The following PRDM5 variants were observed in gnomAD, a reference collection of about 807,000 sequenced individuals.
The protein encoded by PRDM5 is PR domain zinc finger protein 5.
A neutral mutation model predicts 81.2 loss-of-function variants in PRDM5; 56 were observed. That is an observed-to-expected ratio of 0.69 (90% CI 0.56 to 0.86). The LOEUF is 0.86. PRDM5 is among the 40% of genes least tolerant of loss of function. PRDM5 has a pLI of 0.00. For missense variants in PRDM5, 697 were observed against 770.1 expected (o/e 0.91, Z 1.12); for synonymous variants, 267 against 256.4 (o/e 1.04, Z -0.39).
chr4:120,764,258 C>T (rs1007502989), intron 13 of PRDM5, among the ~76,000 whole-genome samples: 4 of 152,028 alleles, frequency 2.6e-5, no homozygotes, highest in South Asian at 2.1e-4. Context: ...ATATGAACTA[C>T]GTAAATGACA....
intron 1 of PRDM5, among the ~76,000 whole-genome samples, chr4:120,920,308 T>C (rs1724730704): frequency 6.6e-6 from 1 of 152,240 alleles, no homozygotes; most frequent in Non-Finnish European, 1.5e-5. Flanking sequence ...AAAACATCTG[T>C]AATTTCCAAC....
At chr4:120,799,475 C>T (rs1358803906) in intron 9 of PRDM5, among the ~76,000 whole-genome samples, 186 bp downstream of exon 9, 1 of 152,080 alleles carries the variant, frequency 6.6e-6, no homozygotes, top group East Asian at 1.9e-4. Flanking sequence ...CTCTAAGCAC[C>T]TTTGCTCTGT....
intron 14 of PRDM5, among the ~76,000 whole-genome samples, chr4:120,716,700 T>A (rs114365153): frequency 0.031 from 4,758 of 152,242 alleles, 92 homozygotes; most frequent in African/African-American, 0.044. Context: ...TTCTAATGCC[T>A]ACCATGGAAA....
At chr4:120,905,466 A>T (rs1313087550) in intron 2 of PRDM5, among the ~76,000 whole-genome samples, 1 of 152,212 alleles carries the variant, frequency 6.6e-6, no homozygotes, top group Non-Finnish European at 1.5e-5. Context: ...TGCGGTTAAC[A>T]TCTACAATCA....
rs186417622 is a variant in PRDM5 at position 120,849,594 on chromosome 4, G to T, written c.300+3824C>A. Among the ~76,000 whole-genome samples, 598 of 152,196 alleles carry T rather than the reference G, an allele frequency of 3.9e-3. 4 individuals are homozygous for T. Among genetic ancestry groups the T allele is most frequent in the Admixed American group, 9.2e-3 (141 of 15,264 alleles). On this transcript the variant is annotated intron_variant, in intron 3 of 15. Coordinates refer to ENST00000264808, the MANE Select transcript of PRDM5 (RefSeq NM_018699.4). Reference sequence around the variant, plus strand: ...AAGTATGGCAACTAGTCACAGAAAAGACATGCCTGAAAATATGGGCTTAAG... The same window carrying T: ...AAGTATGGCAACTAGTCACAGAAAATACATGCCTGAAAATATGGGCTTAAG...
In PRDM5 at chr4:120,919,361, A is replaced by C. The variant is rs375683422; in HGVS notation, c.93+3155T>G. Reference sequence around the variant, plus strand: ...CCCAGGGCCTAGTACAGTACCTGCCACATATGAATGATTAAATGACTGAAA... The same window carrying C: ...CCCAGGGCCTAGTACAGTACCTGCCCCATATGAATGATTAAATGACTGAAA... On this transcript the variant is annotated intron_variant, in intron 1 of 15. Transcript: ENST00000264808. Among the ~76,000 whole-genome samples the C allele has an allele frequency of 7.2e-5, 11 of 152,364 alleles. No individual in the cohort carries two copies. In the East Asian group the frequency reaches 1.2e-3, roughly 16 times the overall value.
intron 1 of PRDM5, among the ~76,000 whole-genome samples, chr4:120,919,080 C>T (rs146781217): frequency 1.1e-3 from 167 of 152,286 alleles, no homozygotes; most frequent in Middle Eastern, 3.4e-3. Context: ...AATCTCCTGG[C>T]TGGCTCAGCG....
intron 14 of PRDM5, chr4:120,731,876 A>T (rs1338198418): frequency 6.6e-6 from 1 of 152,180 alleles, no homozygotes; most frequent in African/African-American, 2.4e-5. Flanking sequence ...ACTTATAAAT[A>T]AACCCCTTCA....
chr4:120,685,913 A>G (rs79259407), intron 1 of PRDM5, among the ~76,000 whole-genome samples: 14,149 of 151,934 alleles, frequency 0.093, 757 homozygotes, highest in Admixed American at 0.13. Context: ...TTGGAGGTGG[A>G]GTCCTGTGGG....
intron 2 of PRDM5, among the ~76,000 whole-genome samples, chr4:120,878,132 T>C (rs1762499694): frequency 6.6e-6 from 1 of 152,210 alleles, no homozygotes; most frequent in African/African-American, 2.4e-5. Context: ...ACAGAAGGAC[T>C]ACAGAAGATC....
At chr4:120,759,283 T>A (rs769235521) in intron 13 of PRDM5, among the ~76,000 whole-genome samples, 2 of 152,242 alleles carry the variant, frequency 1.3e-5, no homozygotes, top group African/African-American at 2.4e-5. Context: ...TGCATCACCA[T>A]GTAAATGGCT....
intron 2 of PRDM5, among the ~76,000 whole-genome samples, chr4:120,864,529 T>C (rs1265351894): frequency 6.6e-6 from 1 of 152,178 alleles, no homozygotes; most frequent in Admixed American, 6.5e-5. Context: ...TTCTAAATCC[T>C]CTTCCCACAC....
Position 120,781,323 on chromosome 4 carries a change from A to G in PRDM5, c.1283-20T>C, listed in dbSNP as rs999573484. 6.2e-7 allele frequency: 1 copy of G among 1,608,822 alleles called. No homozygotes were observed. Among genetic ancestry groups the G allele is most frequent in the African/African-American group, 1.3e-5 (1 of 74,760 alleles). ...TCTCACCTTAGAAACAAAGAGAAAC[A>G]TTTAAGAAGCAATAGCAGGGTCCTA... On this transcript the variant is annotated intron_variant, in intron 11 of 15. Transcript: ENST00000264808.
intron 14 of PRDM5, among the ~76,000 whole-genome samples, chr4:120,722,909 TG>T (rs1254725003): frequency 6.6e-6 from 1 of 152,178 alleles, no homozygotes; most frequent in Non-Finnish European, 1.5e-5. Flanking sequence ...TGAGAAAAGC[TG>T]GGGCCACTAA....
intron 15 of PRDM5, among the ~76,000 whole-genome samples, chr4:120,706,418 T>C (rs1281944279): frequency 6.6e-6 from 1 of 151,974 alleles, no homozygotes; most frequent in Non-Finnish European, 1.5e-5. Flanking sequence ...AGATATGTGA[T>C]TTGGGTTATT....
Position 120,812,292 on chromosome 4 carries a change from G to A in PRDM5, c.866-843C>T, listed in dbSNP as rs143345537. 2.0e-5 allele frequency among the ~76,000 whole-genome samples: 3 copies of A among 152,050 alleles called. No individual in the cohort carries two copies. In the East Asian group the frequency reaches 5.8e-4, roughly 29 times the overall value. On this transcript the variant is annotated intron_variant, in intron 7 of 15. Transcript: ENST00000264808. Reference sequence around the variant, plus strand: ...CAATATACTGATTTCCTTTCACTGGGGTATATATCTACAGTGGAATTGCTA... The same window carrying A: ...CAATATACTGATTTCCTTTCACTGGAGTATATATCTACAGTGGAATTGCTA...
chr4:120,704,385 C>T (rs1408644227), intron 15 of PRDM5, among the ~76,000 whole-genome samples: 5 of 152,296 alleles, frequency 3.3e-5, no homozygotes, highest in Middle Eastern at 3.4e-3. Context: ...TAGTACAACA[C>T]GGATGCTTCC....
intron 14 of PRDM5, among the ~76,000 whole-genome samples, chr4:120,749,470 AG>A (rs1743646746): frequency 1.3e-5 from 2 of 152,140 alleles, no homozygotes; most frequent in South Asian, 4.1e-4. Flanking sequence ...ACAAGGTCCG[AG>A]GGTGGAGTAG....
chr4:120,803,382 G>A (rs1654775910), intron 8 of PRDM5, among the ~76,000 whole-genome samples: 1 of 152,098 alleles, frequency 6.6e-6, no homozygotes, highest in African/African-American at 2.4e-5. Flanking sequence ...CTCAAGAAGA[G>A]CAACTCCAAG....
Sources: allele counts gnomAD v4.1 joint callset (sites outside exome capture counted in the v4.1 genomes callset), GRCh38; gene constraint gnomAD v4.1.1; transcripts MANE v1.5; gene names NCBI Gene and HGNC (gene_info 2026-07-23, HGNC 2026-07-21).